ZBTB20: variants seen among roughly 807,000 people sequenced by gnomAD.
ZBTB20 encodes zinc finger and BTB domain containing 20, also known as zinc finger and BTB domain-containing protein 20.
A neutral mutation model predicts 56.9 loss-of-function variants in ZBTB20; 9 were observed. The observed-to-expected ratio is 0.16, with a 90% CI of 0.10 to 0.28. The LOEUF is 0.28. Ranked by LOEUF, ZBTB20 falls within the 10% of genes least tolerant of loss-of-function variation. The pLI is 1.00. For synonymous variants in ZBTB20, 417 were observed against 420.7 expected (o/e 0.99, Z 0.11); for missense variants, 655 against 1,003.0 (o/e 0.65, Z 4.69).
At chr3:114,623,631 A>G (rs2058470368) in intron 6 of ZBTB20, among the ~76,000 whole-genome samples, 1 of 152,214 alleles carries the variant, frequency 6.6e-6, no homozygotes, top group African/African-American at 2.4e-5. Flanking sequence ...TGTTTGCTCT[A>G]CATCCACTAT....
intron 2 of ZBTB20, among the ~76,000 whole-genome samples, chr3:115,044,515 G>A (rs1256945082): frequency 2.6e-5 from 4 of 152,208 alleles, no homozygotes; most frequent in Non-Finnish European, 5.9e-5. Context: ...TAAACCAGAT[G>A]ATGTTGGTTT....
intron 6 of ZBTB20, among the ~76,000 whole-genome samples, chr3:114,656,922 C>T (rs754613382): frequency 6.6e-6 from 1 of 152,020 alleles, no homozygotes; most frequent in Non-Finnish European, 1.5e-5. Flanking sequence ...GGATTATAGG[C>T]GTGAGCTACC....
chr3:115,063,674 CACACACACAA>C (rs1490412476), intron 2 of ZBTB20, among the ~76,000 whole-genome samples: 1 of 151,542 alleles, frequency 6.6e-6, no homozygotes, highest in Admixed American at 6.6e-5. Flanking sequence ...CACACACACA[CACACACACAA>C]ACACACACAC....
At chr3:114,748,332 T>TTCTC (rs1176584406) in intron 5 of ZBTB20, among the ~76,000 whole-genome samples, 1 of 112,662 alleles carries the variant, frequency 8.9e-6, no homozygotes, top group Admixed American at 8.8e-5. Context: ...CTTTCTTTCT[T>TTCTC]TCTTCTTTCT....
At chr3:114,465,366 C>T (rs2092500704) in intron 7 of ZBTB20, among the ~76,000 whole-genome samples, 1 of 152,038 alleles carries the variant, frequency 6.6e-6, no homozygotes, top group South Asian at 2.1e-4. Context: ...TGGTCCAGAA[C>T]AAAAGTCTGA....
At chr3:114,620,165 C>T (rs1176731699) in intron 6 of ZBTB20, among the ~76,000 whole-genome samples, 1 of 152,164 alleles carries the variant, frequency 6.6e-6, no homozygotes, top group Non-Finnish European at 1.5e-5. Flanking sequence ...TGTGGGGAAC[C>T]TTAGCAATCT....
intron 5 of ZBTB20, among the ~76,000 whole-genome samples, chr3:114,714,535 T>C (rs894489323): frequency 6.7e-6 from 1 of 148,354 alleles, no homozygotes; most frequent in African/African-American, 2.5e-5. Flanking sequence ...TCACCAAGCA[T>C]TTCAGGAAAA....
chr3:114,953,801 T>C (rs1382794751), intron 3 of ZBTB20, among the ~76,000 whole-genome samples: 2 of 152,076 alleles, frequency 1.3e-5, no homozygotes, highest in African/African-American at 4.8e-5. Context: ...AATAGACTAA[T>C]ATATAATTAG....
At chr3:114,496,950 G>A (rs187825422) in intron 7 of ZBTB20, among the ~76,000 whole-genome samples, 61 of 152,300 alleles carry the variant, frequency 4.0e-4, no homozygotes, top group African/African-American at 1.4e-3. Context: ...GGAGGCACGC[G>A]AGCCTGGTGA....
chr3:115,002,005 A>G (rs1455420833), intron 2 of ZBTB20, among the ~76,000 whole-genome samples: 1 of 151,560 alleles, frequency 6.6e-6, no homozygotes, highest in Non-Finnish European at 1.5e-5. Context: ...ATATAGCTAC[A>G]TGAGTCAAGG....
intron 5 of ZBTB20, among the ~76,000 whole-genome samples, chr3:114,779,036 T>C (rs1369253260): frequency 6.6e-6 from 1 of 152,198 alleles, no homozygotes. Context: ...CAATGTGTTG[T>C]CTTTTCAATT....
At position 114,858,644 on chromosome 3, in the gene ZBTB20, CT is replaced by C. The variant is rs765765425; in HGVS notation, c.-417+41659del. Among the ~76,000 whole-genome samples, 259 of 151,990 alleles carry C rather than the reference CT, an allele frequency of 1.7e-3. 2 individuals carry two copies. The highest frequency in any genetic ancestry group is 5.6e-3 in the South Asian group (27 of 4,814). ...TCCCTACCATAAAGTTGTATTTGAG[CT>C]CCGTGCAGTGCAGAAACATTCTTCA... On this transcript the variant is annotated intron_variant, in intron 4 of 11. Transcript: ENST00000675478.
chr3:114,737,367 A>G (rs576916543), intron 5 of ZBTB20, among the ~76,000 whole-genome samples: 6 of 152,288 alleles, frequency 3.9e-5, no homozygotes, highest in African/African-American at 1.4e-4. Context: ...TCAGTTAAAA[A>G]CTAAAAACAA....
chr3:114,455,232 C>T (rs1452287565), intron 7 of ZBTB20, among the ~76,000 whole-genome samples: 1 of 152,020 alleles, frequency 6.6e-6, no homozygotes, highest in Non-Finnish European at 1.5e-5. Flanking sequence ...AGCTGTTCGG[C>T]TTAGACATAA....
At chr3:114,727,875 A>G (rs2065423214) in intron 5 of ZBTB20, among the ~76,000 whole-genome samples, 1 of 152,200 alleles carries the variant, frequency 6.6e-6, no homozygotes. Context: ...CAAATACAAC[A>G]GAAATAATGA....
chr3:114,795,451 T>C (rs541747166), intron 5 of ZBTB20, among the ~76,000 whole-genome samples: 1 of 152,256 alleles, frequency 6.6e-6, no homozygotes, highest in Admixed American at 6.6e-5. Context: ...GAAGTCCTTT[T>C]AGTTCTTTGA....
At chr3:114,611,726 G>C (rs1015448672) in intron 6 of ZBTB20, among the ~76,000 whole-genome samples, 2 of 152,158 alleles carry the variant, frequency 1.3e-5, no homozygotes, top group Non-Finnish European at 2.9e-5. Context: ...GAGTGTATTT[G>C]AGTCTTGATT....
At chr3:114,418,273 A>C (rs1469534504) in intron 7 of ZBTB20, among the ~76,000 whole-genome samples, 4 of 152,098 alleles carry the variant, frequency 2.6e-5, no homozygotes, top group Admixed American at 2.6e-4. Context: ...AAGTACAACT[A>C]AACATTTCCC....
chr3:114,548,444 T>C (rs949007252), intron 6 of ZBTB20, among the ~76,000 whole-genome samples: 2 of 152,206 alleles, frequency 1.3e-5, no homozygotes, highest in Admixed American at 6.5e-5. Flanking sequence ...TACATTCATC[T>C]ACAGGTGTGC....
Sources: allele counts gnomAD v4.1 joint callset (sites outside exome capture counted in the v4.1 genomes callset), GRCh38; gene constraint gnomAD v4.1.1; transcripts MANE v1.5; gene names NCBI Gene and HGNC (gene_info 2026-07-23, HGNC 2026-07-21).